The following LPP variants were observed in gnomAD, a reference collection of about 807,000 sequenced individuals.
The protein encoded by LPP is lipoma-preferred partner.
A neutral mutation model predicts 60.4 loss-of-function variants in LPP; 38 were observed. The observed-to-expected ratio is 0.63, with a 90% CI of 0.49 to 0.83. The LOEUF (loss-of-function observed/expected upper bound fraction) is 0.83. Among genes scored for constraint, LPP ranks in the 40% least tolerant of loss-of-function variants. The pLI is 0.00. For synonymous variants in LPP, 328 were observed against 290.8 expected (o/e 1.13, Z -1.30); for missense variants, 902 against 783.6 (o/e 1.15, Z -1.80).
intron 3 of LPP, among the ~76,000 whole-genome samples, chr3:188,402,919 T>C (rs1782584978): frequency 6.6e-6 from 1 of 152,158 alleles, no homozygotes; most frequent in Non-Finnish European, 1.5e-5. Context: ...TATAAAAATA[T>C]AGGGCTTGGT....
intron 9 of LPP, among the ~76,000 whole-genome samples, chr3:188,818,445 C>T (rs536866877): frequency 1.3e-5 from 2 of 152,274 alleles, no homozygotes; most frequent in East Asian, 1.9e-4. Context: ...CAGAAGATTA[C>T]GTAGTGTCTG....
chr3:188,462,231 C>CATT lies in LPP; in HGVS notation c.194-22342_194-22340dup, dbSNP rs966316188. 9.3e-5 allele frequency among the ~76,000 whole-genome samples: 14 copies of CATT among 151,044 alleles called. No homozygotes were observed. The East Asian group carries it at 1.9e-3, about 21-fold the overall frequency. ...TTGAAAAACTAACTTTTAAAATAGA[C>CATT]ATTATTATTATTATTATTATTCTCA... On this transcript the variant is annotated intron_variant, in intron 4 of 11. Coordinates refer to ENST00000617246, the MANE Select transcript of LPP (RefSeq NM_001375462.1).
At chr3:188,542,864 C>T (rs372218333) in intron 6 of LPP, among the ~76,000 whole-genome samples, 1 of 152,104 alleles carries the variant, frequency 6.6e-6, no homozygotes, top group Non-Finnish European at 1.5e-5. Flanking sequence ...GTACATAGAT[C>T]GAAATCTAGT....
chr3:188,753,578 TGC>T (rs1491050882), intron 8 of LPP, among the ~76,000 whole-genome samples: 14 of 131,706 alleles, frequency 1.1e-4, no homozygotes, highest in Non-Finnish European at 1.5e-4. Context: ...GCTTGTTGTG[TGC>T]GTGTGTGTGT....
rs781527823 is a variant in LPP, at chr3:188,609,869, G to A, written c.1113+25G>A. On this transcript the variant is annotated intron_variant, in intron 7 of 11. Coordinates refer to ENST00000617246, the MANE Select transcript of LPP (RefSeq NM_001375462.1). This position sits in a 1 kb window ranked among gnomAD's most constrained non-coding sequence, Gnocchi z 6.9. Reference sequence around the variant, plus strand: ...GGTAAGAAACTCAGTAACATAAGGAGGAGAATACAGGGGTGCCTATCTTAG... The same window carrying A: ...GGTAAGAAACTCAGTAACATAAGGAAGAGAATACAGGGGTGCCTATCTTAG... 1.3e-6 allele frequency: 2 copies of A among 1,583,380 alleles called. No individual in the cohort carries two copies. The highest frequency in any genetic ancestry group is 1.7e-6 in the Non-Finnish European group (2 of 1,165,960).
chr3:188,785,795 A>G (rs1242982690), intron 9 of LPP, among the ~76,000 whole-genome samples: 1 of 151,932 alleles, frequency 6.6e-6, no homozygotes, highest in Non-Finnish European at 1.5e-5. Context: ...TTGTTTCCAT[A>G]GGACCAGCCT....
In LPP at chr3:188,870,172, G is replaced by GTATATA. The variant is rs138629189; in HGVS notation, c.1590-2462_1590-2457dup. ...TGTGTATATACATATGTGTGTTTGT[G>GTATATA]TATATATATATATAACTTTACAATA... On this transcript the variant is annotated intron_variant, in intron 10 of 11. Transcript: ENST00000617246. Among the ~76,000 whole-genome samples, 659 of 151,198 alleles carry GTATATA rather than the reference G, an allele frequency of 4.4e-3. 8 individuals are homozygous for GTATATA. Among genetic ancestry groups the GTATATA allele is most frequent in the African/African-American group, 0.014 (558 of 41,228 alleles).
chr3:188,819,182 G>A (rs1753290289), intron 9 of LPP, among the ~76,000 whole-genome samples: 1 of 151,702 alleles, frequency 6.6e-6, no homozygotes, highest in Non-Finnish European at 1.5e-5. Flanking sequence ...AGATTTTGGG[G>A]GTACATATGC....
At chr3:188,456,701 T>A (rs746853311) in intron 4 of LPP, among the ~76,000 whole-genome samples, 5 of 152,216 alleles carry the variant, frequency 3.3e-5, no homozygotes, top group Non-Finnish European at 7.3e-5. Context: ...TGTGAGCACC[T>A]CGAGCAAATA....
intron 1 of LPP, among the ~76,000 whole-genome samples, chr3:188,222,563 A>G (rs1434216897): frequency 6.6e-6 from 1 of 152,064 alleles, no homozygotes; most frequent in Non-Finnish European, 1.5e-5. Context: ...TTCAAACTGC[A>G]CTCCTGATGG....
chr3:188,708,181 C>T (rs1865858710), intron 7 of LPP, 86 bp from the exon 8 acceptor site: 2 of 1,488,306 alleles, frequency 1.3e-6, no homozygotes, highest in Non-Finnish European at 1.8e-6. Context: ...TTTTCCTCTC[C>T]AGTGCAATCG....
chr3:188,418,482 C>G (rs935336965), intron 4 of LPP, among the ~76,000 whole-genome samples: 5 of 152,138 alleles, frequency 3.3e-5, no homozygotes, highest in Non-Finnish European at 7.4e-5. Context: ...AAATAACTAG[C>G]ATATTGCAAA....
intron 7 of LPP, among the ~76,000 whole-genome samples, chr3:188,686,796 A>G (rs935668427): frequency 9.2e-5 from 14 of 152,218 alleles, no homozygotes; most frequent in African/African-American, 3.4e-4. Flanking sequence ...GCACTCAACA[A>G]GTGTGCATCT....
chr3:188,760,365 C>T, intron 9 of LPP, 83 bp downstream of exon 9: 2 of 1,430,736 alleles, frequency 1.4e-6, no homozygotes, highest in Non-Finnish European at 2.0e-6. Flanking sequence ...AGAATATAGC[C>T]ATCAGATCTT....
In LPP at chr3:188,358,031, C is replaced by A. The variant is rs188377813; in HGVS notation, c.-10+16312C>A. ...ATTGAAGGAAAAAAATGACGTGAAT[C>A]TGAAAAATTCTGACATGGCCACTTC... is the stretch of plus-strand genomic sequence containing the variant. On this transcript the variant is annotated intron_variant, in intron 3 of 11. Coordinates refer to ENST00000617246, the MANE Select transcript of LPP (RefSeq NM_001375462.1). Among the ~76,000 whole-genome samples, 321 of 147,890 alleles carry A rather than the reference C, an allele frequency of 2.2e-3. 1 individual carries two copies. The highest frequency in any genetic ancestry group is 8.2e-3 in the African/African-American group (309 of 37,556).
chr3:188,605,761 C>T (rs556933843), intron 6 of LPP, among the ~76,000 whole-genome samples: 175 of 152,114 alleles, frequency 1.2e-3, no homozygotes, highest in African/African-American at 4.0e-3. Flanking sequence ...TTTTATTTTT[C>T]GTAAGATAAT....
At chr3:188,173,418 C>T (rs1409194468) in intron 1 of LPP, among the ~76,000 whole-genome samples, 1 of 152,152 alleles carries the variant, frequency 6.6e-6, no homozygotes, top group East Asian at 1.9e-4. Context: ...GAAGGAAAAT[C>T]ACTTGAACCT....
intron 5 of LPP, among the ~76,000 whole-genome samples, chr3:188,495,010 C>A (rs1252180372): frequency 1.5e-5 from 2 of 136,742 alleles, no homozygotes; most frequent in Admixed American, 1.6e-4. Context: ...TTGCACCATG[C>A]CTCCTCAGAG....
At chr3:188,291,824 T>C (rs922209788) in intron 2 of LPP, among the ~76,000 whole-genome samples, 4 of 152,056 alleles carry the variant, frequency 2.6e-5, no homozygotes, top group Admixed American at 2.6e-4. Context: ...GGATCTGTGG[T>C]TCAGAGAAGT....
Sources: allele counts gnomAD v4.1 joint callset (sites outside exome capture counted in the v4.1 genomes callset), GRCh38; gene constraint gnomAD v4.1.1; non-coding constraint Gnocchi (gnomAD v3.1); transcripts MANE v1.5; gene names NCBI Gene and HGNC (gene_info 2026-07-23, HGNC 2026-07-21).